KMT2C: variants seen among roughly 807,000 people sequenced by gnomAD.
KMT2C encodes the protein lysine methyltransferase 2C.
In KMT2C, 88 loss-of-function variants were observed where a neutral mutation model predicts 507.9. The observed-to-expected ratio is 0.17, with a 90% CI of 0.15 to 0.21. The LOEUF (loss-of-function observed/expected upper bound fraction) is 0.21. Ranked by LOEUF, KMT2C falls within the 10% of genes least tolerant of loss-of-function variation. The probability of loss-of-function intolerance (pLI) is 1.00; values close to 1 mark genes in which losing one functional copy is unlikely to be tolerated. For missense variants in KMT2C, 4,954 were observed against 5,957.8 expected, an observed-to-expected ratio of 0.83 and a Z score of 5.55; for synonymous variants, 2,049 against 2,080.8, an observed-to-expected ratio of 0.98 and a Z score of 0.42.
rs757655021 is a variant in KMT2C at position 152,180,671 on chromosome 7, AAAT to A, written c.7149+37_7149+39del. On this transcript the variant is annotated intron_variant, in intron 36 of 58. Transcript: ENST00000262189. ...GTTTGATGAAATGAACAGCTTCCTCAAATAATACATTTAAAACTGAGAACATAC... is the reference window on the plus strand; with the variant it reads ...GTTTGATGAAATGAACAGCTTCCTCAAATACATTTAAAACTGAGAACATAC... 5 of 1,443,524 alleles carry A rather than the reference AAAT, an allele frequency of 3.5e-6. No homozygotes were observed. The Admixed American group carries it at 8.2e-5, about 24-fold the overall frequency. 89.4% of individuals were successfully genotyped at this position (1,443,524 alleles called of 1,614,324 possible).
chr7:152,210,761 A>G (rs1358594879), intron 23 of KMT2C, among the ~76,000 whole-genome samples: 1 of 152,206 alleles, frequency 6.6e-6, no homozygotes, highest in African/African-American at 2.4e-5. Context: ...CCTCTGAGGG[A>G]TAATATAAGA....
chr7:152,189,490 T>A (rs75168345), intron 31 of KMT2C, among the ~76,000 whole-genome samples: 3 of 152,212 alleles, frequency 2.0e-5, no homozygotes, highest in Non-Finnish European at 4.4e-5. Flanking sequence ...GATTTTTTTT[T>A]ATCTAATGTC....
intron 56 of KMT2C, among the ~76,000 whole-genome samples, 181 bp downstream of exon 56, chr7:152,139,494 C>T (rs2090278565): frequency 6.6e-6 from 1 of 152,176 alleles, no homozygotes; most frequent in Non-Finnish European, 1.5e-5. Context: ...TCAAAGTAAA[C>T]TGTAACACCA....
intron 2 of KMT2C, among the ~76,000 whole-genome samples, chr7:152,354,221 AAG>A (rs1216387133): frequency 1.3e-4 from 20 of 152,212 alleles, no homozygotes; most frequent in African/African-American, 3.4e-4. Flanking sequence ...ACAGCATGAG[AAG>A]ACAGTCCATT....
At chr7:152,273,319 T>A (rs1373376308) in intron 7 of KMT2C, among the ~76,000 whole-genome samples, 2 of 152,202 alleles carry the variant, frequency 1.3e-5, no homozygotes, top group Admixed American at 6.5e-5. Flanking sequence ...AAATAACACC[T>A]GAGTGAACTG....
intron 1 of KMT2C, among the ~76,000 whole-genome samples, chr7:152,400,323 A>C (rs1367627066): frequency 6.6e-6 from 1 of 152,228 alleles, no homozygotes; most frequent in Non-Finnish European, 1.5e-5. Flanking sequence ...AAATAAAAAA[A>C]AGAAAGATCA....
At chr7:152,253,711 G>A (rs1021987848) in intron 9 of KMT2C, among the ~76,000 whole-genome samples, 8 of 151,758 alleles carry the variant, frequency 5.3e-5, no homozygotes, top group African/African-American at 1.4e-4. Context: ...CACAGAGCAC[G>A]GTCAACGCCA....
At chr7:152,304,847 A>G (rs73164511) in intron 6 of KMT2C, among the ~76,000 whole-genome samples, 1 of 152,312 alleles carries the variant, frequency 6.6e-6, no homozygotes, top group Non-Finnish European at 1.5e-5. Context: ...AGCCAAGGTC[A>G]GCAAAATCGA....
intron 5 of KMT2C, 131 bp downstream of exon 5, chr7:152,311,667 A>C (rs2096672628): frequency 1.3e-5 from 9 of 672,550 alleles, no homozygotes; most frequent in Admixed American, 1.3e-4. Context: ...ATATTTAATA[A>C]TGATTTTTTT....
At chr7:152,399,175 A>G (rs1183108712) in intron 1 of KMT2C, among the ~76,000 whole-genome samples, 4 of 152,158 alleles carry the variant, frequency 2.6e-5, no homozygotes, top group Non-Finnish European at 5.9e-5. Flanking sequence ...CACCACTTAA[A>G]GCTGCTATTA....
At chr7:152,235,062 C>A (rs1475659755) in intron 16 of KMT2C, among the ~76,000 whole-genome samples, 1 of 152,096 alleles carries the variant, frequency 6.6e-6, no homozygotes, top group African/African-American at 2.4e-5. Flanking sequence ...TATGATTCCA[C>A]TTATATACAA....
intron 26 of KMT2C, among the ~76,000 whole-genome samples, chr7:152,202,228 T>C (rs2094165672): frequency 1.3e-5 from 2 of 152,144 alleles, no homozygotes; most frequent in African/African-American, 4.8e-5. Flanking sequence ...CATGAAGAAA[T>C]AGAGGCCAGG....
chr7:152,256,020 T>C (rs1427181885), intron 9 of KMT2C, among the ~76,000 whole-genome samples: 2 of 152,074 alleles, frequency 1.3e-5, no homozygotes, highest in Non-Finnish European at 1.5e-5. Flanking sequence ...AATACAAAAA[T>C]TAGCTGGGCG....
chr7:152,412,267 G>A (rs2097691984), intron 1 of KMT2C, among the ~76,000 whole-genome samples: 1 of 152,224 alleles, frequency 6.6e-6, no homozygotes, highest in Non-Finnish European at 1.5e-5. Context: ...CGGGCATCGT[G>A]GCAGGAACCT....
chr7:152,340,765 T>TAC (rs1330712181), intron 2 of KMT2C, among the ~76,000 whole-genome samples: 1 of 152,176 alleles, frequency 6.6e-6, no homozygotes, highest in African/African-American at 2.4e-5. Flanking sequence ...AAATATACAT[T>TAC]ACTGTTATAA....
chr7:152,149,175 G>A (rs2091398860), intron 51 of KMT2C, 23 bp from the exon 52 acceptor site: 1 of 1,441,290 alleles, frequency 6.9e-7, no homozygotes, highest in African/African-American at 1.4e-5. Flanking sequence ...AAGAAACCAT[G>A]ACAAAGAAAA....
At chr7:152,196,436 C>A (rs1392911914) in intron 27 of KMT2C, among the ~76,000 whole-genome samples, 2 of 143,426 alleles carry the variant, frequency 1.4e-5, no homozygotes, top group Non-Finnish European at 2.9e-5. Flanking sequence ...GGAGCACAAG[C>A]CAGAAATTCC....
intron 1 of KMT2C, among the ~76,000 whole-genome samples, chr7:152,383,376 T>C (rs1404160073): frequency 6.6e-6 from 1 of 152,208 alleles, no homozygotes; most frequent in Non-Finnish European, 1.5e-5. Flanking sequence ...AGTAGAATGC[T>C]TGCACATCTT....
intron 2 of KMT2C, among the ~76,000 whole-genome samples, chr7:152,334,931 CT>C (rs1273279841): frequency 1.3e-5 from 2 of 152,188 alleles, no homozygotes; most frequent in Admixed American, 1.3e-4. Flanking sequence ...AACCCATGCC[CT>C]AATTAACACA....
Sources: allele counts gnomAD v4.1 joint callset (sites outside exome capture counted in the v4.1 genomes callset), GRCh38; gene constraint gnomAD v4.1.1; transcripts MANE v1.5; gene names NCBI Gene and HGNC (gene_info 2026-07-23, HGNC 2026-07-21).